Variants in ILDR2 observed in about 807,000 individuals in gnomAD.
ILDR2 encodes the protein immunoglobulin like domain containing receptor 2.
Under a neutral mutation model 66.8 loss-of-function variants are expected in ILDR2, and 25 were observed. That is an observed-to-expected ratio of 0.37 (90% CI 0.27 to 0.52). ILDR2 has a LOEUF of 0.52. ILDR2 is among the 20% of genes least tolerant of loss of function. ILDR2 has a pLI of 0.88. For synonymous variants in ILDR2, 367 were observed against 357.2 expected (o/e 1.03, Z -0.31); for missense variants, 827 against 876.8 (o/e 0.94, Z 0.72).
chr1:166,913,741 G>A lies in ILDR2; in HGVS notation c.*5614C>T, dbSNP rs778509490. 6 of 152,154 alleles carry A rather than the reference G, an allele frequency of 3.9e-5. No individual in the cohort carries two copies. Among genetic ancestry groups the A allele is most frequent in the Admixed American group, 2.0e-4 (3 of 15,264 alleles). 9.4% of individuals were successfully genotyped at this position (152,154 alleles called of 1,614,324 possible). ...AGTTCTGAATCCAGATGAATCTGTC[G>A]TTTCATTCAGAAACTTCTCTGCAAG... is the stretch of plus-strand genomic sequence containing the variant. On this transcript the variant is annotated 3_prime_UTR_variant, in exon 10 of 10. Transcript: ENST00000271417.
At chr1:166,940,098 G>A (rs1264182787) in intron 3 of ILDR2, among the ~76,000 whole-genome samples, 2 of 152,118 alleles carry the variant, frequency 1.3e-5, no homozygotes, top group East Asian at 3.9e-4. Flanking sequence ...GATAAAACTA[G>A]ATCAGTTACA....
At chr1:166,942,400 C>A (rs1661361007) in intron 3 of ILDR2, among the ~76,000 whole-genome samples, 2 of 152,228 alleles carry the variant, frequency 1.3e-5, no homozygotes, top group Non-Finnish European at 2.9e-5. Context: ...CTACTAGTCA[C>A]CTCTAGCCAC....
chr1:166,957,436 A>T (rs1286904525), intron 2 of ILDR2, among the ~76,000 whole-genome samples: 2 of 152,170 alleles, frequency 1.3e-5, no homozygotes. Context: ...ATGTCAAGGT[A>T]TAGGATGTTT....
Position 166,909,765 on chromosome 1 carries a change from ATATAAATATATATATT to A in ILDR2, c.*9574_*9589del, listed in dbSNP as rs1414971173. On this transcript the variant is annotated 3_prime_UTR_variant, in exon 10 of 10. Transcript: ENST00000271417. The stretch of plus-strand genomic sequence containing the variant: ...TATATATATATATATATATAAATAT[ATATAAATATATATATT>A]TATATATATATATATATATATATAT... 3.2e-4 allele frequency: 22 copies of A among 69,474 alleles called. No individual in the cohort carries two copies. Among genetic ancestry groups the A allele is most frequent in the African/African-American group, 1.3e-3 (18 of 13,686 alleles). The allele number at this position is 69,474 out of a possible 1,614,324, so 4.3% of individuals were successfully genotyped here. A position where few individuals can be genotyped will look rare whatever the true frequency, so the allele number is the denominator to read the frequency against.
chr1:166,919,849 G>A (rs1659795726), intron 9 of ILDR2, among the ~76,000 whole-genome samples: 2 of 152,098 alleles, frequency 1.3e-5, no homozygotes, highest in African/African-American at 4.8e-5. Flanking sequence ...TAAAGAAAAC[G>A]TCCAGCTTGG....
chr1:166,945,149 T>C (rs1661541115), intron 3 of ILDR2, among the ~76,000 whole-genome samples: 1 of 152,240 alleles, frequency 6.6e-6, no homozygotes, highest in Non-Finnish European at 1.5e-5. Context: ...CATTATTCTA[T>C]ATACTGCACA....
chr1:166,926,426 G>C (rs992720408), intron 7 of ILDR2, among the ~76,000 whole-genome samples: 1 of 152,056 alleles, frequency 6.6e-6, no homozygotes, highest in African/African-American at 2.4e-5. Context: ...TTGACAAGAG[G>C]ATCAGCCTCT....
intron 3 of ILDR2, among the ~76,000 whole-genome samples, chr1:166,954,430 T>A (rs1345165018): frequency 6.6e-6 from 1 of 152,178 alleles, no homozygotes; most frequent in South Asian, 2.1e-4. Context: ...TCAGAAAAAT[T>A]TTTGTAGATT....
At chr1:166,963,010 T>C (rs1662712798) in intron 1 of ILDR2, among the ~76,000 whole-genome samples, 1 of 152,216 alleles carries the variant, frequency 6.6e-6, no homozygotes, top group Non-Finnish European at 1.5e-5. Flanking sequence ...ACCTCATTCA[T>C]CGTCTCCTCT....
chr1:166,925,133 G>A (rs947084510), intron 7 of ILDR2, among the ~76,000 whole-genome samples: 1 of 152,182 alleles, frequency 6.6e-6, no homozygotes, highest in Non-Finnish European at 1.5e-5. Context: ...GAAGGGCAAA[G>A]CAAATGAGGA....
intron 7 of ILDR2, among the ~76,000 whole-genome samples, chr1:166,923,355 A>G (rs1388810820): frequency 6.6e-6 from 1 of 152,210 alleles, no homozygotes; most frequent in Non-Finnish European, 1.5e-5. Flanking sequence ...CCCTCCCCAC[A>G]GAGCAGGAAG....
chr1:166,940,673 T>C (rs2101918646), intron 3 of ILDR2, among the ~76,000 whole-genome samples: 1 of 152,328 alleles, frequency 6.6e-6, no homozygotes, highest in East Asian at 1.9e-4. Context: ...CAAAGGAAAT[T>C]AATGTGATAC....
intron 1 of ILDR2, among the ~76,000 whole-genome samples, chr1:166,962,249 C>T (rs185122934): frequency 1.6e-4 from 25 of 152,304 alleles, no homozygotes; most frequent in Admixed American, 1.6e-3. Context: ...CCCTGGATCC[C>T]TGGTGTCTAG....
At chr1:166,935,923 G>A (rs557916006) in intron 5 of ILDR2, among the ~76,000 whole-genome samples, 3 of 152,214 alleles carry the variant, frequency 2.0e-5, no homozygotes, top group Non-Finnish European at 2.9e-5. Context: ...TCCTTGCTCT[G>A]TGATTTCAAA....
intron 3 of ILDR2, among the ~76,000 whole-genome samples, chr1:166,951,485 T>C (rs1233959677): frequency 6.6e-6 from 1 of 152,244 alleles, no homozygotes; most frequent in Non-Finnish European, 1.5e-5. Context: ...CCTAAGCCAG[T>C]TTGAGCCTCT....
Position 166,921,018 on chromosome 1 carries a change from C to A in ILDR2, c.1573G>T (p.Asp525Tyr). 6.6e-7 allele frequency: 1 copy of A among 1,514,832 alleles called. No individual in the cohort carries two copies. The highest frequency in any genetic ancestry group is 8.7e-7 in the Non-Finnish European group (1 of 1,142,914). 93.8% of individuals were successfully genotyped at this position (1,514,832 alleles called of 1,614,324 possible). The change falls in exon 9 of 10, where the codon GAC (aspartate) becomes TAC (tyrosine). Residue 525 changes from aspartate (D) to tyrosine (Y), a missense_variant. By Grantham distance (160) the Asp-to-Tyr change is radical (BLOSUM62 -3). This residue lies in a region of ILDR2 where 390 missense variants were observed against 353.6 expected (regional missense o/e 1.10). Coordinates refer to ENST00000271417, the MANE Select transcript of ILDR2 (RefSeq NM_199351.3). This position sits in a 1 kb window ranked among gnomAD's most constrained non-coding sequence, Gnocchi z 5.3. Reference sequence around the variant, plus strand: ...CGCGCGCTGCCCAGGTACGAGTGGTCGTATTTGGGTGCGGTGCCTGGCGTG... The same window carrying A: ...CGCGCGCTGCCCAGGTACGAGTGGTAGTATTTGGGTGCGGTGCCTGGCGTG... ...SRTPGTAPKY[D>Y]HSYLGSARER...
At chr1:166,920,667 C>T in intron 9 of ILDR2, 40 bp downstream of exon 9, 6 of 1,348,172 alleles carry the variant, frequency 4.5e-6, no homozygotes, top group Non-Finnish European at 5.7e-6. Flanking sequence ...GAGGCTCCCG[C>T]TCAGTCCCCT....
intron 2 of ILDR2, among the ~76,000 whole-genome samples, chr1:166,898,487 C>A (rs1659207351): frequency 6.6e-6 from 1 of 152,154 alleles, no homozygotes; most frequent in Non-Finnish European, 1.5e-5. Context: ...TGTGTCCAGC[C>A]AAAGGTCCAG....
rs1660340324 is a variant in ILDR2 at position 166,926,996 on chromosome 1, G to A, written c.994+71C>T. 5.6e-6 allele frequency: 6 copies of A among 1,070,344 alleles called. No individual in the cohort carries two copies. The East Asian group carries it at 1.5e-4, about 27-fold the overall frequency. The allele number at this position is 1,070,344 out of a possible 1,614,324, so 66.3% of individuals were successfully genotyped here. A position where few individuals can be genotyped will look rare whatever the true frequency, so the allele number is the denominator to read the frequency against. On this transcript the variant is annotated intron_variant, in intron 7 of 9. Coordinates refer to ENST00000271417, the MANE Select transcript of ILDR2 (RefSeq NM_199351.3). The stretch of plus-strand genomic sequence containing the variant: ...AAGCTCAGGGCTGCCCAAGTTTGGT[G>A]ACCCCCAAATCCCCTTTACACACTA...
Sources: gnomAD v4.1 joint callset for allele counts (sites outside exome capture counted in the v4.1 genomes callset) on GRCh38, gnomAD v4.1.1 for gene constraint, gnomAD v4.1.1 regional missense constraint, Gnocchi (gnomAD v3.1) non-coding constraint, MANE v1.5 for transcripts, NCBI Gene and HGNC (gene_info 2026-07-23, HGNC 2026-07-21) for gene names.